Variants in EPB41L3 observed in about 807,000 individuals in gnomAD.
EPB41L3 encodes erythrocyte membrane protein band 4.1 like 3.
In EPB41L3, 57 loss-of-function variants were observed where a neutral mutation model predicts 127.1. The observed-to-expected ratio is 0.45, with a 90% CI of 0.36 to 0.56. The LOEUF is 0.56. Among genes scored for constraint, EPB41L3 ranks in the 20% least tolerant of loss-of-function variants. The pLI, the probability that EPB41L3 is intolerant of heterozygous loss-of-function variation, is 0.00. For synonymous variants in EPB41L3, 572 were observed against 549.5 expected (o/e 1.04, Z -0.57); for missense variants, 1,273 against 1,372.2 (o/e 0.93, Z 1.14).
In EPB41L3 at chr18:5,489,097, CG is replaced by C; in HGVS notation, c.86del (p.Ala29GlyfsTer54). 1 of 1,595,944 alleles carries C rather than the reference CG, an allele frequency of 6.3e-7. No individual in the cohort carries two copies. Among genetic ancestry groups the C allele is most frequent in the South Asian group, 1.1e-5 (1 of 89,876 alleles). ...TGGGCGGCTCCGGCACGGGCGCCCC[CG>C]CGCGCCCCTGCGCCCCCGCCGCCTC... Reference protein sequence around the residue: ...PQEAAGAQGRAGAPVPEPPKE... With the variant: ...PQEAAGAQGRXGAPVPEPPKE... On this transcript the variant is annotated frameshift_variant, in exon 2 of 23. Transcript: ENST00000341928. LOFTEE classifies it high-confidence loss of function.
chr18:5,540,227 T>C (rs2093682226), intron 1 of EPB41L3: 1 of 474,862 alleles, frequency 2.1e-6, no homozygotes, highest in African/African-American at 2.1e-5. Flanking sequence ...CAGTGCTTTC[T>C]ACTATTTCAC....
chr18:5,585,301 A>G (rs1318760294), intron 3 of EPB41L3, among the ~76,000 whole-genome samples: 1 of 152,048 alleles, frequency 6.6e-6, no homozygotes, highest in Admixed American at 6.6e-5. Context: ...AAGATCTTAA[A>G]TATTTATGGT....
chr18:5,482,246 A>C (rs2088712115), intron 2 of EPB41L3, among the ~76,000 whole-genome samples: 1 of 152,260 alleles, frequency 6.6e-6, no homozygotes, highest in African/African-American at 2.4e-5. Context: ...AGAGGCTCTT[A>C]GTAGAATGAA....
In EPB41L3 at chr18:5,415,860, G is replaced by A. The variant is rs1391239130; in HGVS notation, c.2025C>T (p.Ser675=). The change falls in exon 13 of 23, where the codon AGC becomes AGT. Residue 675 remains serine, a synonymous_variant. Coordinates refer to ENST00000341928, the MANE Select transcript of EPB41L3 (RefSeq NM_012307.5). The stretch of plus-strand genomic sequence containing the variant: ...CACTCGGGTCATTGTCTAGGGAGGC[G>A]CTCAAGGAGGCCGCCTTGGGCTCCA... ...CYLEPKAASL[S]ASLDNDPSDS... is the part of the protein sequence containing the mutation. The A allele has an allele frequency of 1.3e-5, 21 of 1,613,316 alleles. No individual in the cohort carries two copies. The highest frequency in any genetic ancestry group is 6.7e-5 in the African/African-American group (5 of 74,900).
chr18:5,397,902 C>G lies in EPB41L3; in HGVS notation c.2472+119G>C. On this transcript the variant is annotated intron_variant, in intron 17 of 22. Transcript: ENST00000341928. The surrounding 1 kb of genome is among the most constrained non-coding windows in gnomAD (Gnocchi z 4.1). ...ACACAAAGGACAATAAGTGAAGACA[C>G]CTTTGAGATGTTGAAGGCAAAGCCA... 1 of 1,162,430 alleles carries G rather than the reference C, an allele frequency of 8.6e-7. No individual in the cohort carries two copies. Among genetic ancestry groups the G allele is most frequent in the Non-Finnish European group, 1.3e-6 (1 of 797,432 alleles). 72.0% of individuals were successfully genotyped at this position (1,162,430 alleles called of 1,614,324 possible).
chr18:5,628,560 C>G (rs993380967), intron 1 of EPB41L3, among the ~76,000 whole-genome samples: 1 of 152,258 alleles, frequency 6.6e-6, no homozygotes, highest in African/African-American at 2.4e-5. Flanking sequence ...TCTTCCCTTT[C>G]CTTGTCTTGT....
At chr18:5,476,828 T>C (rs1017306624) in intron 3 of EPB41L3, among the ~76,000 whole-genome samples, 3 of 152,186 alleles carry the variant, frequency 2.0e-5, no homozygotes, top group Non-Finnish European at 4.4e-5. Context: ...AGATGAGTAA[T>C]TGGACACGCT....
intron 3 of EPB41L3, among the ~76,000 whole-genome samples, chr18:5,459,721 A>C (rs1215401437): frequency 6.6e-6 from 1 of 152,222 alleles, no homozygotes; most frequent in East Asian, 1.9e-4. Context: ...TTCTGCTAAT[A>C]ATATCAGTGT....
At chr18:5,449,591 T>A (rs2082007942) in intron 3 of EPB41L3, among the ~76,000 whole-genome samples, 1 of 152,248 alleles carries the variant, frequency 6.6e-6, no homozygotes, top group Admixed American at 6.5e-5. Context: ...TTCTTCTTTA[T>A]GTGAATGAAG....
chr18:5,611,716 C>T (rs2094727326), intron 3 of EPB41L3, among the ~76,000 whole-genome samples: 1 of 152,028 alleles, frequency 6.6e-6, no homozygotes, highest in Admixed American at 6.6e-5. Flanking sequence ...TCACATGAGC[C>T]CAGGAGTTTG....
chr18:5,593,364 T>C (rs1354811144), intron 3 of EPB41L3, among the ~76,000 whole-genome samples: 1 of 152,050 alleles, frequency 6.6e-6, no homozygotes, highest in Non-Finnish European at 1.5e-5. Context: ...GAGGGAGACA[T>C]CACATTTTGG....
intron 3 of EPB41L3, among the ~76,000 whole-genome samples, chr18:5,561,892 A>G (rs1443319603): frequency 6.6e-6 from 1 of 152,232 alleles, no homozygotes; most frequent in Non-Finnish European, 1.5e-5. Flanking sequence ...CCCAAGATGC[A>G]TACCCTCAAT....
At chr18:5,561,219 C>T (rs890682246) in intron 3 of EPB41L3, among the ~76,000 whole-genome samples, 52 of 152,094 alleles carry the variant, frequency 3.4e-4, no homozygotes, top group Middle Eastern at 3.4e-3. Flanking sequence ...CCTCGTGATC[C>T]GCCCGCCTCG....
chr18:5,556,749 C>T (rs144980132), intron 3 of EPB41L3, among the ~76,000 whole-genome samples: 332 of 152,292 alleles, frequency 2.2e-3, no homozygotes, highest in African/African-American at 7.3e-3. Flanking sequence ...CTGCCCCGCT[C>T]CTCCCTCCCA....
rs750772806 is a variant in EPB41L3 at position 5,445,214 on chromosome 18, T to C, written c.412A>G (p.Lys138Glu). Residue 138 changes from lysine (K) to glutamate (E), a missense_variant, in exon 4 of 23, where the codon AAA (lysine) becomes GAA (glutamate). Coordinates refer to ENST00000341928, the MANE Select transcript of EPB41L3 (RefSeq NM_012307.5). ...KRSRGQVLFD[K>E]VCEHLNLLEK... Reference sequence around the variant, plus strand: ...AGCAAGTTCAAGTGTTCACACACTTTATCAAACAGCACTTGTCCTCTGGAG... The same window carrying C: ...AGCAAGTTCAAGTGTTCACACACTTCATCAAACAGCACTTGTCCTCTGGAG... 3.1e-6 allele frequency: 5 copies of C among 1,614,082 alleles called. No individual in the cohort carries two copies. The highest frequency in any genetic ancestry group is 2.2e-5 in the East Asian group (1 of 44,882).
intron 10 of EPB41L3, 29 bp downstream of exon 10, chr18:5,424,233 A>C: frequency 1.4e-6 from 2 of 1,459,770 alleles, no homozygotes; most frequent in East Asian, 2.4e-5. Flanking sequence ...ATTATTCCTT[A>C]GGGAAAAAAC....
At chr18:5,497,870 C>T (rs945757241) in intron 1 of EPB41L3, among the ~76,000 whole-genome samples, 7 of 152,190 alleles carry the variant, frequency 4.6e-5, no homozygotes, top group African/African-American at 1.7e-4. Flanking sequence ...ATCTGAGAAC[C>T]CAACTAATGG....
chr18:5,465,464 G>A (rs1397840335), intron 3 of EPB41L3, among the ~76,000 whole-genome samples: 1 of 152,120 alleles, frequency 6.6e-6, no homozygotes, highest in Non-Finnish European at 1.5e-5. Flanking sequence ...TCTCTAAATA[G>A]TATGAAGGTT....
chr18:5,441,621 A>G (rs1484879734), intron 5 of EPB41L3, among the ~76,000 whole-genome samples: 3 of 152,036 alleles, frequency 2.0e-5, no homozygotes, highest in Non-Finnish European at 2.9e-5. Flanking sequence ...GCACGCCACC[A>G]TGCCCGGCTA....
Sources: gnomAD v4.1 joint callset for allele counts (sites outside exome capture counted in the v4.1 genomes callset) on GRCh38, gnomAD v4.1.1 for gene constraint, Gnocchi (gnomAD v3.1) non-coding constraint, MANE v1.5 for transcripts, NCBI Gene and HGNC (gene_info 2026-07-23, HGNC 2026-07-21) for gene names.